CAMTA1: variants seen among roughly 807,000 people sequenced by gnomAD.
The protein encoded by CAMTA1 is calmodulin-binding transcription activator 1.
CAMTA1 carries 27 observed loss-of-function variants against 170.9 expected under a neutral mutation model. That is an observed-to-expected ratio of 0.16 (90% CI 0.12 to 0.22). CAMTA1 has a LOEUF of 0.22. Among genes scored for constraint, CAMTA1 ranks in the 10% least tolerant of loss-of-function variants. CAMTA1 has a pLI of 1.00. For missense variants in CAMTA1, 1,619 were observed against 2,217.2 expected, an observed-to-expected ratio of 0.73 and a Z score of 5.42; for synonymous variants, 833 against 891.5, an observed-to-expected ratio of 0.93 and a Z score of 1.17.
chr1:6,891,524 C>T (rs1398729597), intron 3 of CAMTA1, among the ~76,000 whole-genome samples: 1 of 152,182 alleles, frequency 6.6e-6, no homozygotes, highest in Non-Finnish European at 1.5e-5. Context: ...ATTTTCCCTG[C>T]TTGTACAGCT....
chr1:7,371,545 C>T (rs1022752773), intron 5 of CAMTA1, among the ~76,000 whole-genome samples: 1 of 152,230 alleles, frequency 6.6e-6, no homozygotes, highest in East Asian at 1.9e-4. Flanking sequence ...CAGGCATGAG[C>T]CACCATGCCC....
At chr1:7,758,676 C>T (rs2096950158) in intron 22 of CAMTA1, among the ~76,000 whole-genome samples, 1 of 152,150 alleles carries the variant, frequency 6.6e-6, no homozygotes, top group East Asian at 1.9e-4. Flanking sequence ...TGGCTTACGC[C>T]TGTAATCCCA....
At chr1:7,656,668 G>A (rs1220301556) in intron 7 of CAMTA1, among the ~76,000 whole-genome samples, 2 of 152,216 alleles carry the variant, frequency 1.3e-5, no homozygotes, top group Admixed American at 1.3e-4. Flanking sequence ...AACCCAAGAG[G>A]CTCTCGGCTG....
intron 11 of CAMTA1, among the ~76,000 whole-genome samples, chr1:7,710,600 CAAAAA>C (rs60019262): frequency 7.3e-4 from 60 of 82,726 alleles, no homozygotes; most frequent in Middle Eastern, 6.4e-3. Context: ...GACCCTGTCT[CAAAAA>C]AAAAAAAAAA....
chr1:7,762,151 G>A (rs1278578324), intron 22 of CAMTA1, among the ~76,000 whole-genome samples: 7 of 151,866 alleles, frequency 4.6e-5, no homozygotes, highest in African/African-American at 1.7e-4. Context: ...CTAAATAAGT[G>A]GAGAAAATAA....
At chr1:7,648,008 T>C (rs2095821319) in intron 7 of CAMTA1, among the ~76,000 whole-genome samples, 1 of 152,026 alleles carries the variant, frequency 6.6e-6, no homozygotes, top group Non-Finnish European at 1.5e-5. Flanking sequence ...CACTTGAACC[T>C]AGGGAGTTCA....
At chr1:6,954,026 G>A (rs925791647) in intron 3 of CAMTA1, among the ~76,000 whole-genome samples, 28 of 152,280 alleles carry the variant, frequency 1.8e-4, no homozygotes, top group Middle Eastern at 3.4e-3. Context: ...GCCCCTGCCT[G>A]GGAAGGATGC....
chr1:6,917,959 A>G lies in CAMTA1; in HGVS notation c.234+92749A>G, dbSNP rs538324299. On this transcript the variant is annotated intron_variant, in intron 3 of 22. Coordinates refer to ENST00000303635, the MANE Select transcript of CAMTA1 (RefSeq NM_015215.4). The stretch of plus-strand genomic sequence containing the variant: ...AGACGTTCCAGGTAGCTGGACCAAC[A>G]TGACCAAGGTGGAGAGGCAAGAGGT... Among the ~76,000 whole-genome samples the G allele has an allele frequency of 2.6e-5, 4 of 152,220 alleles. No individual in the cohort carries two copies. The South Asian group carries it at 6.2e-4, about 24-fold the overall frequency.
Position 7,642,763 on chromosome 1 carries a change from C to T in CAMTA1, c.664+2210C>T, listed in dbSNP as rs1189847947. On this transcript the variant is annotated intron_variant, in intron 7 of 22. Transcript: ENST00000303635. The surrounding 1 kb of genome is among the most constrained non-coding windows in gnomAD (Gnocchi z 6.3). ...CAGCCCCAGACCAATGCCCCACCCTCTCTGCACCCCAGTACCCCTTCTATA... is the reference window on the plus strand; with the variant it reads ...CAGCCCCAGACCAATGCCCCACCCTTTCTGCACCCCAGTACCCCTTCTATA... Among the ~76,000 whole-genome samples the T allele has an allele frequency of 6.6e-6, 1 of 152,172 alleles. No homozygotes were observed. The highest frequency in any genetic ancestry group is 1.5e-5 in the Non-Finnish European group (1 of 68,032).
Position 7,493,336 on chromosome 1 carries a change from CAT to C in CAMTA1, c.510+25436_510+25437del, listed in dbSNP as rs2093764298. Among the ~76,000 whole-genome samples, 17 of 150,702 alleles carry C rather than the reference CAT, an allele frequency of 1.1e-4. 1 individual carries two copies. In the South Asian group the frequency reaches 3.1e-3, roughly 28 times the overall value. ...ACACAAACAAACCTACGTACACACA[CAT>C]GCACACACAAACACAAACATACAAA... is the stretch of plus-strand genomic sequence containing the variant. On this transcript the variant is annotated intron_variant, in intron 6 of 22. Coordinates refer to ENST00000303635, the MANE Select transcript of CAMTA1 (RefSeq NM_015215.4).
At chr1:7,607,112 G>C (rs1267878722) in intron 6 of CAMTA1, among the ~76,000 whole-genome samples, 1 of 151,068 alleles carries the variant, frequency 6.6e-6, no homozygotes, top group Non-Finnish European at 1.5e-5. Flanking sequence ...TAGGTGGGTA[G>C]ATGGAAGGAT....
chr1:7,403,568 A>G (rs1032345191), intron 5 of CAMTA1, among the ~76,000 whole-genome samples: 2 of 152,154 alleles, frequency 1.3e-5, no homozygotes, highest in Non-Finnish European at 2.9e-5. Flanking sequence ...TGAAGGGGTG[A>G]AGGGGAAGAG....
chr1:7,444,252 C>T (rs1049098118), intron 5 of CAMTA1, among the ~76,000 whole-genome samples: 1 of 152,216 alleles, frequency 6.6e-6, no homozygotes, highest in African/African-American at 2.4e-5. Flanking sequence ...TATCCAAGCA[C>T]CCCAGAAACA....
intron 3 of CAMTA1, among the ~76,000 whole-genome samples, chr1:6,857,199 G>A (rs766820686): frequency 5.9e-5 from 9 of 152,150 alleles, no homozygotes; most frequent in Non-Finnish European, 8.8e-5. Flanking sequence ...TGGCGCCAAG[G>A]CCCAGCAGTG....
At chr1:7,266,789 G>A (rs1017030756) in intron 5 of CAMTA1, among the ~76,000 whole-genome samples, 7 of 152,186 alleles carry the variant, frequency 4.6e-5, no homozygotes, top group Admixed American at 1.3e-4. Flanking sequence ...GGCTTTCTTG[G>A]GGACAGGACA....
intron 5 of CAMTA1, among the ~76,000 whole-genome samples, chr1:7,385,712 C>T (rs2087881690): frequency 6.6e-6 from 1 of 152,234 alleles, no homozygotes; most frequent in Non-Finnish European, 1.5e-5. Context: ...CAGCACGATG[C>T]TCCCTGCTTT....
chr1:6,981,272 A>T (rs1377370260), intron 3 of CAMTA1, among the ~76,000 whole-genome samples: 2 of 152,220 alleles, frequency 1.3e-5, no homozygotes, highest in Non-Finnish European at 2.9e-5. Flanking sequence ...GGCCATTTCT[A>T]ATAGTAGCAC....
intron 3 of CAMTA1, among the ~76,000 whole-genome samples, chr1:7,036,607 C>G (rs2101197728): frequency 6.6e-6 from 1 of 152,296 alleles, no homozygotes; most frequent in African/African-American, 2.4e-5. Context: ...GAAACTAGGC[C>G]TTTTGGGTTC....
intron 3 of CAMTA1, among the ~76,000 whole-genome samples, chr1:6,833,559 C>T (rs1651446197): frequency 6.6e-6 from 1 of 152,192 alleles, no homozygotes; most frequent in Admixed American, 6.5e-5. Flanking sequence ...TTGAATTTGG[C>T]ATGCGGTACT....
Sources: gnomAD v4.1 joint callset for allele counts (sites outside exome capture counted in the v4.1 genomes callset) on GRCh38, gnomAD v4.1.1 for gene constraint, Gnocchi (gnomAD v3.1) non-coding constraint, MANE v1.5 for transcripts, NCBI Gene and HGNC (gene_info 2026-07-23, HGNC 2026-07-21) for gene names.